The following SMPD3 variants were observed in gnomAD, a reference collection of about 807,000 sequenced individuals.
The protein encoded by SMPD3 is nSMase-2.
SMPD3 carries 21 observed loss-of-function variants against 55.7 expected under a neutral mutation model. That is an observed-to-expected ratio of 0.38 (90% CI 0.27 to 0.54). The LOEUF is 0.54. SMPD3 is among the 20% of genes least tolerant of loss of function. SMPD3 has a pLI of 0.80. For synonymous variants in SMPD3, 457 were observed against 404.3 expected (o/e 1.13, Z -1.56); for missense variants, 842 against 899.6 (o/e 0.94, Z 0.82).
chr16:68,434,887 C>T (rs1238267653), intron 1 of SMPD3, among the ~76,000 whole-genome samples: 1 of 152,148 alleles, frequency 6.6e-6, no homozygotes, highest in Admixed American at 6.5e-5. Flanking sequence ...GTTTTAAAGG[C>T]CCTATGTTGG....
At chr16:68,381,292 G>A (rs2089945940) in intron 2 of SMPD3, among the ~76,000 whole-genome samples, 1 of 152,214 alleles carries the variant, frequency 6.6e-6, no homozygotes, top group Non-Finnish European at 1.5e-5. Context: ...GAAAGCCCTT[G>A]GATCCAAGAG....
intron 2 of SMPD3, among the ~76,000 whole-genome samples, chr16:68,385,271 G>A (rs1567795086): frequency 6.6e-6 from 1 of 152,138 alleles, no homozygotes; most frequent in Non-Finnish European, 1.5e-5. Flanking sequence ...TTCTTGCCAA[G>A]GCTGATATAA....
intron 1 of SMPD3, among the ~76,000 whole-genome samples, chr16:68,395,993 C>T (rs2090153558): frequency 2.0e-5 from 3 of 152,134 alleles, no homozygotes; most frequent in Admixed American, 6.5e-5. Context: ...GCCTGGGCGG[C>T]CCAGCCCTGC....
chr16:68,417,656 T>C (rs1402771323), intron 1 of SMPD3, among the ~76,000 whole-genome samples: 3 of 150,926 alleles, frequency 2.0e-5, no homozygotes, highest in African/African-American at 7.3e-5. Flanking sequence ...GCTAGGAAGC[T>C]TGGAGACCAG....
chr16:68,370,518 G>C (rs1191884379), intron 3 of SMPD3, among the ~76,000 whole-genome samples: 3 of 152,116 alleles, frequency 2.0e-5, no homozygotes, highest in Admixed American at 2.0e-4. Flanking sequence ...TCTTGCGCCA[G>C]CTCGGAACCC....
rs540858434 is a variant in SMPD3 at position 68,411,208 on chromosome 16, G to A, written c.-268-24549C>T. 4.6e-5 allele frequency among the ~76,000 whole-genome samples: 7 copies of A among 152,346 alleles called. No homozygotes were observed. In the East Asian group the frequency reaches 1.3e-3, roughly 29 times the overall value. ...GCACAGTGCCCTCCCCCAACCTCAG[G>A]CCCAGGCCTGTTCTCCTGCCAGGAC... On this transcript the variant is annotated intron_variant, in intron 1 of 8. Coordinates refer to ENST00000219334, the MANE Select transcript of SMPD3 (RefSeq NM_018667.4).
chr16:68,425,729 A>G (rs2090431386), intron 1 of SMPD3, among the ~76,000 whole-genome samples: 2 of 152,092 alleles, frequency 1.3e-5, no homozygotes, highest in African/African-American at 4.8e-5. Flanking sequence ...GGGTGGTGGG[A>G]TACTCAGCAA....
At chr16:68,429,471 C>T (rs1048292549) in intron 1 of SMPD3, among the ~76,000 whole-genome samples, 8 of 152,190 alleles carry the variant, frequency 5.3e-5, no homozygotes, top group African/African-American at 1.2e-4. Flanking sequence ...GGGGGCACAG[C>T]GCTTCAAGCC....
At chr16:68,426,957 C>T (rs2090440519) in intron 1 of SMPD3, among the ~76,000 whole-genome samples, 1 of 150,834 alleles carries the variant, frequency 6.6e-6, no homozygotes, top group South Asian at 2.1e-4. Context: ...ACTCAGCAGC[C>T]TATTTTAAAT....
At chr16:68,431,825 G>A (rs1279718449) in intron 1 of SMPD3, among the ~76,000 whole-genome samples, 1 of 152,164 alleles carries the variant, frequency 6.6e-6, no homozygotes, top group East Asian at 1.9e-4. Context: ...GGGAGGCTGG[G>A]GCAGGAGAAT....
chr16:68,385,970 C>T (rs2090046575), intron 2 of SMPD3, among the ~76,000 whole-genome samples: 1 of 152,160 alleles, frequency 6.6e-6, no homozygotes, highest in Non-Finnish European at 1.5e-5. Context: ...TGCCTGTAGT[C>T]CTAGCACATT....
chr16:68,414,810 A>T (rs1157796827), intron 1 of SMPD3, among the ~76,000 whole-genome samples: 1 of 152,246 alleles, frequency 6.6e-6, no homozygotes, highest in Non-Finnish European at 1.5e-5. Flanking sequence ...CAGAGGCAGC[A>T]GGGCCAGGTA....
chr16:68,361,526 G>T, intron 8 of SMPD3, 77 bp downstream of exon 8: 1 of 1,566,240 alleles, frequency 6.4e-7, no homozygotes, highest in Admixed American at 1.8e-5. Flanking sequence ...GTTTCAGGGA[G>T]CGGCTGTCGA....
In SMPD3 at chr16:68,371,147, G is replaced by A. The variant is rs780346040; in HGVS notation, c.1035C>T (p.Phe345=). The A allele has an allele frequency of 2.5e-6, 4 of 1,613,650 alleles. No homozygotes were observed. In the South Asian group the frequency reaches 3.3e-5, roughly 13 times the overall value. ...GGAAGAAGGCGGAGACCTCATGGTCGAAGGCCTCGTCGGGGTGCCGCCTCC... is the reference window on the plus strand; with the variant it reads ...GGAAGAAGGCGGAGACCTCATGGTCAAAGGCCTCGTCGGGGTGCCGCCTCC... ...ARRRRHPDEA[F]DHEVSAFFPA... The change falls in exon 3 of 9, where the codon TTC becomes TTT. Residue 345 remains phenylalanine, a synonymous_variant. Coordinates refer to ENST00000219334, the MANE Select transcript of SMPD3 (RefSeq NM_018667.4).
intron 1 of SMPD3, among the ~76,000 whole-genome samples, chr16:68,399,053 T>G (rs1258515897): frequency 6.6e-6 from 1 of 152,226 alleles, no homozygotes. Flanking sequence ...ACACTGAGCC[T>G]GTAGTTGTTG....
intron 1 of SMPD3, among the ~76,000 whole-genome samples, chr16:68,445,060 A>G (rs2090599608): frequency 6.6e-6 from 1 of 152,242 alleles, no homozygotes; most frequent in African/African-American, 2.4e-5. Context: ...ATGGGTATTT[A>G]GGACTGAGCA....
intron 6 of SMPD3, 96 bp downstream of exon 6, chr16:68,363,681 C>G: frequency 1.4e-6 from 2 of 1,456,214 alleles, no homozygotes; most frequent in Non-Finnish European, 1.9e-6. Flanking sequence ...GGGGCCCTTC[C>G]CCAGCAGTGG....
At chr16:68,361,981 C>G (rs750688069) in intron 7 of SMPD3, among the ~76,000 whole-genome samples, 3 of 152,300 alleles carry the variant, frequency 2.0e-5, no homozygotes, top group East Asian at 3.9e-4. Flanking sequence ...CGGAGCCCGT[C>G]GAAGTGTTCT....
intron 1 of SMPD3, among the ~76,000 whole-genome samples, chr16:68,393,224 G>T (rs977514378): frequency 6.6e-6 from 1 of 152,098 alleles, no homozygotes; most frequent in Non-Finnish European, 1.5e-5. Context: ...GGCCAACATG[G>T]TAAAACCCCA....
Sources: gnomAD v4.1 joint callset for allele counts (sites outside exome capture counted in the v4.1 genomes callset) on GRCh38, gnomAD v4.1.1 for gene constraint, MANE v1.5 for transcripts, NCBI Gene and HGNC (gene_info 2026-07-23, HGNC 2026-07-21) for gene names.